The following SLC4A4 variants were observed in gnomAD, a reference collection of about 807,000 sequenced individuals.
The protein encoded by SLC4A4 is solute carrier family 4 member 4.
A neutral mutation model predicts 111.5 loss-of-function variants in SLC4A4; 27 were observed. That is an observed-to-expected ratio of 0.24 (90% confidence interval 0.18 to 0.33). The LOEUF (loss-of-function observed/expected upper bound fraction) is 0.33. SLC4A4 is among the 10% of genes least tolerant of loss of function. SLC4A4 has a pLI of 1.00. For synonymous variants in SLC4A4, 443 were observed against 463.4 expected (o/e 0.96, Z 0.57); for missense variants, 909 against 1,315.5 (o/e 0.69, Z 4.78).
At chr4:71,311,622 T>A (rs1726171867) in intron 3 of SLC4A4, among the ~76,000 whole-genome samples, 1 of 152,068 alleles carries the variant, frequency 6.6e-6, no homozygotes, top group African/African-American at 2.4e-5. Context: ...AGAAGTAAAG[T>A]TCTTTGAAAC....
intron 11 of SLC4A4, among the ~76,000 whole-genome samples, 168 bp from the exon 12 acceptor site, chr4:71,453,327 A>T (rs1483047994): frequency 1.3e-5 from 2 of 152,140 alleles, no homozygotes; most frequent in African/African-American, 4.8e-5. Context: ...GATAGAAGAA[A>T]ATTTATTCCT....
chr4:71,224,432 C>G (rs1718932899), intron 1 of SLC4A4, among the ~76,000 whole-genome samples: 1 of 152,164 alleles, frequency 6.6e-6, no homozygotes, highest in South Asian at 2.1e-4. Flanking sequence ...AGCTAGTCCT[C>G]CTGGGTTTGA....
intron 3 of SLC4A4, among the ~76,000 whole-genome samples, chr4:71,288,851 C>T (rs577630996): frequency 6.6e-6 from 1 of 152,168 alleles, no homozygotes; most frequent in East Asian, 1.9e-4. Flanking sequence ...TCTCTCATTC[C>T]ATCTTATGAG....
chr4:71,307,853 T>A (rs1578800667), intron 3 of SLC4A4, among the ~76,000 whole-genome samples: 1 of 152,196 alleles, frequency 6.6e-6, no homozygotes, highest in South Asian at 2.1e-4. Context: ...CAAAGAGCAG[T>A]CAGCTTGTAT....
intron 6 of SLC4A4, among the ~76,000 whole-genome samples, chr4:71,380,661 C>T (rs901109816): frequency 6.6e-6 from 1 of 152,150 alleles, no homozygotes; most frequent in Non-Finnish European, 1.5e-5. Flanking sequence ...GTGTTTTAAG[C>T]CATGAGAATC....
intron 2 of SLC4A4, among the ~76,000 whole-genome samples, chr4:71,140,684 T>G (rs1219838535): frequency 6.6e-6 from 1 of 152,188 alleles, no homozygotes; most frequent in Non-Finnish European, 1.5e-5. Flanking sequence ...AACCTAGGAC[T>G]CATTCTTGAT....
intron 3 of SLC4A4, among the ~76,000 whole-genome samples, chr4:71,265,894 A>T (rs1167213333): frequency 1.3e-5 from 2 of 152,230 alleles, no homozygotes; most frequent in African/African-American, 4.8e-5. Flanking sequence ...CCAGCATACC[A>T]TATGATAAAT....
chr4:71,553,931 G>A (rs1411896444), intron 20 of SLC4A4, among the ~76,000 whole-genome samples: 2 of 151,744 alleles, frequency 1.3e-5, no homozygotes, highest in Non-Finnish European at 2.9e-5. Flanking sequence ...CATTAAAATT[G>A]TTAGTCTTTT....
intron 3 of SLC4A4, among the ~76,000 whole-genome samples, chr4:71,263,782 G>T (rs1399466926): frequency 2.0e-5 from 3 of 152,108 alleles, no homozygotes; most frequent in African/African-American, 7.2e-5. Flanking sequence ...TTAAAACAGA[G>T]ATGAAAGTGC....
chr4:71,466,931 A>AAGAGAGAGAGAGAGAGAG (rs61128918), intron 13 of SLC4A4, among the ~76,000 whole-genome samples: 22 of 94,812 alleles, frequency 2.3e-4, no homozygotes, highest in South Asian at 1.4e-3. Flanking sequence ...ACAAGACGGG[A>AAGAGAGAGAGAGAGAGAG]AGAGAGAGAG....
chr4:71,382,820 C>T (rs1488534538), intron 6 of SLC4A4, among the ~76,000 whole-genome samples: 1 of 152,168 alleles, frequency 6.6e-6, no homozygotes. Context: ...CATTGTTCCA[C>T]TGTGTTGTGT....
chr4:71,180,164 C>G (rs1416787197), intron 2 of SLC4A4, among the ~76,000 whole-genome samples: 1 of 152,170 alleles, frequency 6.6e-6, no homozygotes, highest in Non-Finnish European at 1.5e-5. Flanking sequence ...AAAGCTGAAA[C>G]AGGATCCCTT....
At chr4:71,138,765 G>A (rs984277068) in intron 2 of SLC4A4, among the ~76,000 whole-genome samples, 9 of 152,078 alleles carry the variant, frequency 5.9e-5, no homozygotes, top group Non-Finnish European at 8.8e-5. Context: ...GGCCGGGCGC[G>A]GTGGCTCACG....
At chr4:71,138,992 T>A (rs1984848) in intron 2 of SLC4A4, among the ~76,000 whole-genome samples, 1 of 134,694 alleles carries the variant, frequency 7.4e-6, no homozygotes, top group Non-Finnish European at 1.5e-5. Flanking sequence ...GCAGAGATCG[T>A]GCCACTGCAC....
At chr4:71,193,381 G>C (rs539592257) in intron 1 of SLC4A4, among the ~76,000 whole-genome samples, 1 of 152,092 alleles carries the variant, frequency 6.6e-6, no homozygotes, top group African/African-American at 2.4e-5. Flanking sequence ...GGATGGTCTC[G>C]ATCTCCTGAC....
intron 2 of SLC4A4, among the ~76,000 whole-genome samples, chr4:71,097,791 T>G (rs566938002): frequency 5.9e-5 from 9 of 152,338 alleles, no homozygotes; most frequent in South Asian, 2.1e-4. Flanking sequence ...ATAGAGCTTT[T>G]TTTCATAGGA....
At chr4:71,137,978 T>C (rs1743891968) in intron 2 of SLC4A4, among the ~76,000 whole-genome samples, 1 of 152,194 alleles carries the variant, frequency 6.6e-6, no homozygotes, top group Admixed American at 6.5e-5. Flanking sequence ...TTGTTGATAT[T>C]GTGCCCTAAT....
intron 3 of SLC4A4, among the ~76,000 whole-genome samples, chr4:71,277,968 C>T (rs552555755): frequency 1.3e-5 from 2 of 152,120 alleles, no homozygotes; most frequent in South Asian, 4.1e-4. Flanking sequence ...ACATTTAAGA[C>T]CTACTTGTAG....
At chr4:71,151,690 G>A (rs756692472) in intron 2 of SLC4A4, among the ~76,000 whole-genome samples, 4 of 151,338 alleles carry the variant, frequency 2.6e-5, no homozygotes, top group Admixed American at 6.6e-5. Flanking sequence ...GGGCTGAGGC[G>A]GGAGGATCAC....
Sources: gnomAD v4.1 joint callset for allele counts (sites outside exome capture counted in the v4.1 genomes callset) on GRCh38, gnomAD v4.1.1 for gene constraint, MANE v1.5 for transcripts, NCBI Gene and HGNC (gene_info 2026-07-23, HGNC 2026-07-21) for gene names.